AKAP9: variants seen among roughly 807,000 people sequenced by gnomAD.
AKAP9 encodes A-kinase anchoring protein 9.
AKAP9 carries 311 observed loss-of-function variants against 488.5 expected under a neutral mutation model. That is an observed-to-expected ratio of 0.64 (90% CI 0.58 to 0.70). AKAP9 has a LOEUF of 0.70. Among genes scored for constraint, AKAP9 ranks in the 30% least tolerant of loss-of-function variants. The pLI is 0.00. For synonymous variants in AKAP9, 1,462 were observed against 1,483.5 expected (o/e 0.99, Z 0.33); for missense variants, 4,215 against 4,374.5 (o/e 0.96, Z 1.03).
rs748620528 is a variant in AKAP9 at position 92,079,143 on chromosome 7, A to G, written c.7010A>G (p.Asp2337Gly). 1 of 1,613,886 alleles carries G rather than the reference A, an allele frequency of 6.2e-7. No individual in the cohort carries two copies. Among genetic ancestry groups the G allele is most frequent in the South Asian group, 1.1e-5 (1 of 91,036 alleles). ...ACCCAAATAGAATGTTTGATGAGTG[A>G]TCAAGAATGTGTGAAGAGAAATAGA... ...LETQIECLMS[D>G]QECVKRNREE... The change falls in exon 31 of 50, where the codon GAT becomes GGT. Residue 2337 changes from aspartate to glycine, a missense_variant. Physicochemically the swap from Asp to Gly is moderately conservative, Grantham distance 94. Around this residue, in one of 5 missense-constraint regions of AKAP9, gnomAD observed 1,476 missense variants for 1,477.4 expected, o/e 1.00. Transcript: ENST00000356239.
chr7:92,002,441 G>A lies in AKAP9; in HGVS notation c.2524G>A (p.Glu842Lys). 6.2e-7 allele frequency: 1 copy of A among 1,608,732 alleles called. No homozygotes were observed. The highest frequency in any genetic ancestry group is 1.1e-5 in the South Asian group (1 of 89,280). The change falls in exon 8 of 50, where the codon GAG becomes AAG. Residue 842 changes from glutamate (E) to lysine (K), a missense_variant. Coordinates refer to ENST00000356239, the MANE Select transcript of AKAP9 (RefSeq NM_005751.5). ...ACAACAATGTATTCAGCTAAATGAA[G>A]AGATTGAAAAGCAAAGGAACACTTT... is the stretch of plus-strand genomic sequence containing the variant. ...LKQQCIQLNE[E>K]IEKQRNTFSF... is the part of the protein sequence containing the mutation.
chr7:91,973,951 C>G lies in AKAP9; in HGVS notation c.289C>G (p.Gln97Glu), dbSNP rs786205712. The change falls in exon 2 of 50, where the codon CAG becomes GAG. Residue 97 changes from glutamine (Q) to glutamate (E), a missense_variant. By Grantham distance (29) the Gln-to-Glu change is conservative (BLOSUM62 2). This residue lies in a region of AKAP9 where 2,361 missense variants were observed against 2,430.0 expected (regional missense o/e 0.97). Coordinates refer to ENST00000356239, the MANE Select transcript of AKAP9 (RefSeq NM_005751.5). The stretch of plus-strand genomic sequence containing the variant: ...TAGTGGAGAAATAACCAGTCATGAG[C>G]AGGGCTTCTCTGTGGAAGTAAGTAT... ...LHSGEITSHE[Q>E]GFSVELESEI... is the part of the protein sequence containing the mutation. The G allele has an allele frequency of 5.8e-5, 93 of 1,613,648 alleles. 1 individual carries two copies. Among genetic ancestry groups the G allele is most frequent in the Non-Finnish European group, 6.9e-5 (82 of 1,179,914 alleles).
At position 92,001,975 on chromosome 7, in the gene AKAP9, C is replaced by A; in HGVS notation, c.2058C>A (p.Asp686Glu). ...TAGAAACCATGCAGTTTGAAAAGGA[C>A]AATTTGATAACTAAGCAGAATCAAT... ...QKIETMQFEK[D>E]NLITKQNQLI... The change falls in exon 8 of 50, where the codon GAC (aspartate) becomes GAA (glutamate). Residue 686 changes from aspartate (D) to glutamate (E), a missense_variant. Asp to Glu is a conservative substitution (Grantham distance 45). This residue lies in a region of AKAP9 where 2,361 missense variants were observed against 2,430.0 expected (regional missense o/e 0.97). Transcript: ENST00000356239. The A allele has an allele frequency of 6.2e-7, 1 of 1,612,744 alleles. No homozygotes were observed. The highest frequency in any genetic ancestry group is 8.5e-7 in the Non-Finnish European group (1 of 1,179,552).
In AKAP9 at chr7:92,107,572, C is replaced by T. The variant is rs1486719732; in HGVS notation, c.11546+150C>T. On this transcript the variant is annotated intron_variant, in intron 48 of 49. Coordinates refer to ENST00000356239, the MANE Select transcript of AKAP9 (RefSeq NM_005751.5). ...CATAATATGACCAAGTGCGGTGGCT[C>T]ACACCTATAATCCCAGCACTTTGGG... 4 of 766,172 alleles carry T rather than the reference C, an allele frequency of 5.2e-6. No homozygotes were observed. The East Asian group carries it at 1.1e-4, about 22-fold the overall frequency. The allele number at this position is 766,172 out of a possible 1,614,324, so 47.5% of individuals were successfully genotyped here. A position where few individuals can be genotyped will look rare whatever the true frequency, so the allele number is the denominator to read the frequency against.
chr7:91,977,489 G>A (rs1562924900), intron 2 of AKAP9, among the ~76,000 whole-genome samples: 2 of 152,162 alleles, frequency 1.3e-5, no homozygotes, highest in Non-Finnish European at 2.9e-5. Flanking sequence ...CCAGGAGGCG[G>A]AGCTTGCAGT....
chr7:92,102,684 C>T lies in AKAP9; in HGVS notation c.11188C>T (p.Gln3730Ter). 1 of 1,614,176 alleles carries T rather than the reference C, an allele frequency of 6.2e-7. No individual in the cohort carries two copies. Among genetic ancestry groups the T allele is most frequent in the Non-Finnish European group, 8.5e-7 (1 of 1,180,040 alleles). The change falls in exon 46 of 50, where the codon CAG becomes TAG. Residue 3730 changes from glutamine to a stop codon, truncating the protein, a stop_gained. Coordinates refer to ENST00000356239, the MANE Select transcript of AKAP9 (RefSeq NM_005751.5). LOFTEE classifies it high-confidence loss of function. ...KYLLLLLGGF[Q>*]ECEDATLALL... ...CCTGCTGCTGTTACTGGGTGGGTTC[C>T]AGGAATGTGAAGATGCCACCTTGGC...
intron 29 of AKAP9, 104 bp downstream of exon 29, chr7:92,077,111 T>TTTTTTTTA (rs1412530876): frequency 2.2e-6 from 1 of 457,788 alleles, no homozygotes. Context: ...TTTTTTTTTT[T>TTTTTTTTA]TTGAGACTTA....
chr7:92,023,578 T>G (rs992025317), intron 14 of AKAP9, among the ~76,000 whole-genome samples: 3 of 152,194 alleles, frequency 2.0e-5, no homozygotes, highest in Non-Finnish European at 4.4e-5. Flanking sequence ...TACCACTCCT[T>G]AAAACCTTGC....
chr7:92,056,049 A>G (rs1050699147), intron 22 of AKAP9, among the ~76,000 whole-genome samples: 2 of 146,172 alleles, frequency 1.4e-5, no homozygotes, highest in Middle Eastern at 3.2e-3. Context: ...ATTTTAATTC[A>G]TGGTCATCTT....
chr7:92,043,924 A>G (rs1045343016), intron 20 of AKAP9, among the ~76,000 whole-genome samples: 8 of 152,216 alleles, frequency 5.3e-5, no homozygotes, highest in Non-Finnish European at 1.0e-4. Flanking sequence ...TTTTGTCTGC[A>G]TGTATAAAGT....
At chr7:91,991,565 G>A (rs903470465) in intron 3 of AKAP9, among the ~76,000 whole-genome samples, 2 of 151,042 alleles carry the variant, frequency 1.3e-5, no homozygotes, top group African/African-American at 4.9e-5. Flanking sequence ...TCCGCCTCCT[G>A]GGTTCACGCC....
At position 92,066,495 on chromosome 7, in the gene AKAP9, A is replaced by G; in HGVS notation, c.6279A>G (p.Gln2093=). 1 of 1,613,570 alleles carries G rather than the reference A, an allele frequency of 6.2e-7. No homozygotes were observed. Residue 2093 remains glutamine, a synonymous_variant, in exon 26 of 50, where the codon CAA becomes CAG. Coordinates refer to ENST00000356239, the MANE Select transcript of AKAP9 (RefSeq NM_005751.5). The part of the protein sequence containing the change: ...FQQEIQKLEQ[Q]LKVVPRFQPI... Reference sequence around the variant, plus strand: ...AGGAAATACAGAAACTAGAACAGCAACTTAAGGTTGTTCCTCGATTCCAGC... The same window carrying G: ...AGGAAATACAGAAACTAGAACAGCAGCTTAAGGTTGTTCCTCGATTCCAGC...
chr7:92,022,749 A>T (rs924852354), intron 13 of AKAP9, 65 bp from the exon 14 acceptor site: 2 of 1,043,020 alleles, frequency 1.9e-6, no homozygotes, highest in Non-Finnish European at 2.9e-6. Context: ...GTACACAGTG[A>T]TTGTGCTATT....
chr7:92,023,106 A>G, intron 14 of AKAP9, 97 bp downstream of exon 14: 1 of 1,299,132 alleles, frequency 7.7e-7, no homozygotes, highest in East Asian at 2.3e-5. Context: ...AACTTAAGCA[A>G]AGTTGCTGGA....
At chr7:91,981,904 A>G (rs1271998680) in intron 3 of AKAP9, among the ~76,000 whole-genome samples, 2 of 152,148 alleles carry the variant, frequency 1.3e-5, no homozygotes, top group Non-Finnish European at 2.9e-5. Context: ...GCACCTGGCT[A>G]TAGCTTGTAT....
chr7:92,073,281 G>A (rs1184426302), intron 28 of AKAP9, among the ~76,000 whole-genome samples: 2 of 151,880 alleles, frequency 1.3e-5, no homozygotes, highest in African/African-American at 4.8e-5. Flanking sequence ...TGGATTACTA[G>A]GTCAGGAGAG....
intron 1 of AKAP9, among the ~76,000 whole-genome samples, chr7:91,972,687 G>A (rs1795242045): frequency 1.3e-5 from 2 of 152,114 alleles, no homozygotes; most frequent in African/African-American, 4.8e-5. Context: ...CCACCATTTT[G>A]GAGCTATTAG....
chr7:91,966,650 T>C (rs1241939560), intron 1 of AKAP9, among the ~76,000 whole-genome samples: 4 of 152,184 alleles, frequency 2.6e-5, no homozygotes, highest in African/African-American at 9.7e-5. Context: ...TGACTGTAAG[T>C]GTGTGAATTT....
intron 1 of AKAP9, among the ~76,000 whole-genome samples, chr7:91,957,887 T>A (rs1262947924): frequency 6.6e-6 from 1 of 152,188 alleles, no homozygotes; most frequent in Non-Finnish European, 1.5e-5. Flanking sequence ...ATAATAAAAC[T>A]ATTTTCAGAA....
Sources: gnomAD v4.1 joint callset for allele counts (sites outside exome capture counted in the v4.1 genomes callset) on GRCh38, gnomAD v4.1.1 for gene constraint, gnomAD v4.1.1 regional missense constraint, MANE v1.5 for transcripts, NCBI Gene and HGNC (gene_info 2026-07-23, HGNC 2026-07-21) for gene names.